Variants in SOX6 observed in about 807,000 individuals in gnomAD.
SOX6 encodes the protein SRY-box transcription factor 6, also known as transcription factor SOX-6.
In SOX6, 11 loss-of-function variants were observed where a neutral mutation model predicts 97.8. The ratio of observed to expected loss-of-function variants is 0.11; its 90% CI spans 0.07 to 0.19. The LOEUF is 0.19. Ranked by LOEUF, SOX6 falls within the 10% of genes least tolerant of loss-of-function variation. The probability of loss-of-function intolerance (pLI) is 1.00; values close to 1 mark genes in which losing one functional copy is unlikely to be tolerated. For missense variants in SOX6, 810 were observed against 1,039.5 expected (o/e 0.78, Z 3.04); for synonymous variants, 360 against 371.4 (o/e 0.97, Z 0.35).
intron 2 of SOX6, among the ~76,000 whole-genome samples, chr11:16,720,172 A>T (rs1848249311): frequency 6.6e-6 from 1 of 151,690 alleles, no homozygotes; most frequent in African/African-American, 2.4e-5. Flanking sequence ...ATACCATTTG[A>T]CCCAGCCATC....
Position 15,971,567 on chromosome 11 carries a change from C to T in SOX6, c.*1242G>A, listed in dbSNP as rs1335657711. On this transcript the variant is annotated 3_prime_UTR_variant, in exon 16 of 16. Coordinates refer to ENST00000683767, the MANE Select transcript of SOX6 (RefSeq NM_001367873.1). ...CAAAAGACTTGAGGTCACAGTGAAC[C>T]TCAGGGGCATACCTGTTTAAGTGTA... 1 of 152,592 alleles carries T rather than the reference C, an allele frequency of 6.6e-6. No homozygotes were observed. Among genetic ancestry groups the T allele is most frequent in the Non-Finnish European group, 1.5e-5 (1 of 68,056 alleles). 9.5% of individuals were successfully genotyped at this position (152,592 alleles called of 1,614,324 possible).
chr11:16,615,883 C>A (rs987545265), intron 3 of SOX6, among the ~76,000 whole-genome samples: 2 of 151,952 alleles, frequency 1.3e-5, no homozygotes, highest in Non-Finnish European at 2.9e-5. Flanking sequence ...TTTTTTTGAA[C>A]TGAAAGTTAT....
At chr11:16,591,526 A>C (rs943804110) in intron 4 of SOX6, among the ~76,000 whole-genome samples, 1 of 152,142 alleles carries the variant, frequency 6.6e-6, no homozygotes, top group African/African-American at 2.4e-5. Context: ...TTTTGAAAAC[A>C]TGTTTGAAAA....
intron 13 of SOX6, among the ~76,000 whole-genome samples, chr11:15,995,755 GGGA>G (rs1854205000): frequency 1.3e-5 from 2 of 152,004 alleles, no homozygotes; most frequent in Non-Finnish European, 2.9e-5. Flanking sequence ...ATTACTTACG[GGGA>G]AACAAAATTA....
At chr11:16,149,247 A>T in intron 6 of SOX6, among the ~76,000 whole-genome samples, 1 of 152,164 alleles carries the variant, frequency 6.6e-6, no homozygotes, top group East Asian at 1.9e-4. Flanking sequence ...ATTTTATGTT[A>T]AACCATAGGT....
At chr11:16,513,800 G>A (rs748114524) in intron 4 of SOX6, among the ~76,000 whole-genome samples, 4 of 151,998 alleles carry the variant, frequency 2.6e-5, no homozygotes, top group South Asian at 2.1e-4. Flanking sequence ...ACACAATGCC[G>A]ACATATATAA....
intron 4 of SOX6, among the ~76,000 whole-genome samples, chr11:16,496,177 C>A (rs1860591958): frequency 6.6e-6 from 1 of 151,694 alleles, no homozygotes; most frequent in Non-Finnish European, 1.5e-5. Flanking sequence ...CATGAAAAAG[C>A]AAGGAAATAT....
chr11:16,499,421 A>G (rs895844055), intron 4 of SOX6, among the ~76,000 whole-genome samples: 9 of 152,314 alleles, frequency 5.9e-5, no homozygotes, highest in Middle Eastern at 3.4e-3. Context: ...GAGAAAACAC[A>G]TTCAAAAGCT....
At chr11:16,581,742 T>C (rs1490395111) in intron 4 of SOX6, among the ~76,000 whole-genome samples, 1 of 151,848 alleles carries the variant, frequency 6.6e-6, no homozygotes, top group Non-Finnish European at 1.5e-5. Context: ...GGTGGGTGGA[T>C]CAAGAGGTCA....
chr11:16,673,372 A>G (rs1847861092), intron 3 of SOX6, among the ~76,000 whole-genome samples: 1 of 152,176 alleles, frequency 6.6e-6, no homozygotes, highest in Non-Finnish European at 1.5e-5. Flanking sequence ...CAGACTAAGA[A>G]AAAAAGAGAA....
intron 2 of SOX6, among the ~76,000 whole-genome samples, chr11:16,722,454 C>A (rs1346623795): frequency 1.3e-5 from 2 of 152,120 alleles, no homozygotes; most frequent in African/African-American, 4.8e-5. Flanking sequence ...GAGTTCAAGA[C>A]CAGCCTGGCC....
chr11:16,669,065 T>G (rs1847828740), intron 3 of SOX6, among the ~76,000 whole-genome samples: 1 of 152,218 alleles, frequency 6.6e-6, no homozygotes, highest in Admixed American at 6.5e-5. Context: ...TACAGAATAT[T>G]TCATCTAATG....
At chr11:16,622,095 A>G (rs1045913199) in intron 3 of SOX6, among the ~76,000 whole-genome samples, 1 of 152,162 alleles carries the variant, frequency 6.6e-6, no homozygotes, top group Non-Finnish European at 1.5e-5. Flanking sequence ...AAAAAATTCA[A>G]TTTTATTGAA....
intron 12 of SOX6, among the ~76,000 whole-genome samples, chr11:16,043,719 T>G (rs144333816): frequency 3.0e-4 from 45 of 152,294 alleles, no homozygotes; most frequent in African/African-American, 9.9e-4. Flanking sequence ...TGGACACTGA[T>G]GTGCAGCACA....
rs184727593 is a variant in SOX6 at position 16,430,797 on chromosome 11, A to G, written c.-5+45518T>C. Among the ~76,000 whole-genome samples, 12 of 152,280 alleles carry G rather than the reference A, an allele frequency of 7.9e-5. No individual in the cohort carries two copies. In the East Asian group the frequency reaches 2.3e-3, roughly 29 times the overall value. The stretch of plus-strand genomic sequence containing the variant: ...CTAACTAGTCTCCCTGCTATAGTCT[A>G]TACTCAACACAGTTGCCAGAGCAAA... On this transcript the variant is annotated intron_variant, in intron 1 of 15. Transcript: ENST00000396356.
At chr11:16,354,383 T>G (rs150551254) in intron 1 of SOX6, among the ~76,000 whole-genome samples, 4 of 151,946 alleles carry the variant, frequency 2.6e-5, no homozygotes, top group Non-Finnish European at 5.9e-5. Context: ...TAAATAAAAA[T>G]TCCACGGAAT....
At chr11:16,426,732 G>T (rs1859146342) in intron 1 of SOX6, among the ~76,000 whole-genome samples, 1 of 151,552 alleles carries the variant, frequency 6.6e-6, no homozygotes, top group South Asian at 2.1e-4. Context: ...GGCTAAAACG[G>T]TGAAACCCCG....
chr11:16,668,366 C>T (rs879122913), intron 3 of SOX6, among the ~76,000 whole-genome samples: 3 of 150,874 alleles, frequency 2.0e-5, no homozygotes, highest in Non-Finnish European at 4.4e-5. Flanking sequence ...CAGGGAGACT[C>T]CATCAAAAAA....
chr11:16,109,529 A>G (rs895093239), intron 7 of SOX6, among the ~76,000 whole-genome samples: 1 of 152,030 alleles, frequency 6.6e-6, no homozygotes, highest in Non-Finnish European at 1.5e-5. Flanking sequence ...TGAAGTTACC[A>G]TAGCTCAGTT....
Sources: gnomAD v4.1 joint callset for allele counts (sites outside exome capture counted in the v4.1 genomes callset) on GRCh38, gnomAD v4.1.1 for gene constraint, MANE v1.5 for transcripts, NCBI Gene and HGNC (gene_info 2026-07-23, HGNC 2026-07-21) for gene names.